Variants in TMEM164 observed in about 807,000 individuals in gnomAD.
TMEM164 encodes the protein RP13-360B22.2.
A neutral mutation model predicts 18.8 loss-of-function variants in TMEM164; 4 were observed. The observed-to-expected ratio is 0.21, with a 90% confidence interval of 0.10 to 0.49. TMEM164 has a LOEUF of 0.49. Among genes scored for constraint, TMEM164 ranks in the 20% least tolerant of loss-of-function variants. The pLI is 0.98. For synonymous variants in TMEM164, 86 were observed against 101.7 expected, an observed-to-expected ratio of 0.85 and a Z score of 0.93; for missense variants, 108 against 239.9, an observed-to-expected ratio of 0.45 and a Z score of 3.63.
chrX:110,126,573 G>C (rs1222425127), intron 4 of TMEM164, among the ~76,000 whole-genome samples: 1 of 111,765 alleles, frequency 8.9e-6, no homozygotes, highest in Non-Finnish European at 1.9e-5. Flanking sequence ...TCCATGCAGA[G>C]GGCTTTAGCG....
At chrX:110,127,955 T>A (rs2066558893) in intron 4 of TMEM164, among the ~76,000 whole-genome samples, 1 of 112,492 alleles carries the variant, frequency 8.9e-6, no homozygotes, top group Middle Eastern at 4.2e-3. Context: ...ATGCACAAGT[T>A]ACCCATTGGT....
intron 2 of TMEM164, among the ~76,000 whole-genome samples, chrX:110,050,563 C>T (rs766674613): frequency 7.1e-4 from 79 of 111,755 alleles, no homozygotes; most frequent in Non-Finnish European, 1.3e-3. Context: ...CAATTTGCAG[C>T]GTCCCCAGCC....
intron 3 of TMEM164, among the ~76,000 whole-genome samples, chrX:110,099,812 A>G (rs916607725): frequency 4.5e-5 from 5 of 112,129 alleles, no homozygotes; most frequent in African/African-American, 1.3e-4. Flanking sequence ...CATCTTTCCT[A>G]TGTTGAGCCT....
At chrX:110,031,079 C>T (rs772225968) in intron 2 of TMEM164, among the ~76,000 whole-genome samples, 5 of 110,474 alleles carry the variant, frequency 4.5e-5, no homozygotes, top group South Asian at 7.8e-4. Context: ...CGACAGGCCC[C>T]GGCATGTGAT....
intron 5 of TMEM164, among the ~76,000 whole-genome samples, chrX:110,146,895 C>G (rs2066863569): frequency 8.9e-6 from 1 of 112,391 alleles, no homozygotes; most frequent in African/African-American, 3.2e-5. Context: ...ACCAAGAAAG[C>G]CGAGAGTCTG....
intron 3 of TMEM164, among the ~76,000 whole-genome samples, chrX:110,106,455 C>T (rs1170604988): frequency 1.9e-5 from 2 of 107,115 alleles, no homozygotes. Context: ...CTCACTGCAA[C>T]CTCTGCCTCC....
chrX:110,055,440 G>A (rs756276903), intron 2 of TMEM164: 1 of 192,197 alleles, frequency 5.2e-6, no homozygotes, highest in Non-Finnish European at 1.1e-5. Flanking sequence ...TGTACTCGGC[G>A]GCCCTGGCAT....
intron 2 of TMEM164, among the ~76,000 whole-genome samples, chrX:110,033,956 C>T (rs1288301007): frequency 1.8e-5 from 2 of 110,586 alleles, no homozygotes; most frequent in African/African-American, 6.6e-5. Flanking sequence ...AATTTGTATT[C>T]CCCCCCGCCC....
At chrX:110,004,951 GAAA>G (rs1932599355) in intron 2 of TMEM164, among the ~76,000 whole-genome samples, 1 of 112,547 alleles carries the variant, frequency 8.9e-6, no homozygotes, top group Non-Finnish European at 1.9e-5. Context: ...AAATGGGATT[GAAA>G]AGGCAAGTTG....
intron 2 of TMEM164, among the ~76,000 whole-genome samples, chrX:110,007,994 A>G (rs972859739): frequency 8.9e-6 from 1 of 112,072 alleles, no homozygotes; most frequent in Non-Finnish European, 1.9e-5. Flanking sequence ...GGTGCTGTTG[A>G]CCCCTTAGTC....
intron 3 of TMEM164, among the ~76,000 whole-genome samples, chrX:110,076,901 C>G (rs185148883): frequency 2.3e-4 from 26 of 111,833 alleles, no homozygotes; most frequent in African/African-American, 8.1e-4. Flanking sequence ...AGAGTATGTT[C>G]CGTGTGCAGA....
downstream of TMEM164, among the ~76,000 whole-genome samples, chrX:110,181,769 A>G (rs779882790): frequency 8.9e-6 from 1 of 112,841 alleles, no homozygotes; most frequent in South Asian, 3.7e-4. Context: ...CAGGACATCT[A>G]TGAGGAATCC....
rs936746694 is a variant in TMEM164, at chrX:110,107,746, G to A, written c.441-1334G>A. 7.1e-5 allele frequency among the ~76,000 whole-genome samples: 7 copies of A among 98,430 alleles called. No homozygotes were observed. The South Asian group carries it at 1.7e-3, about 24-fold the overall frequency. The allele number at this position is 98,430 out of a possible 115,157, so 85.5% of individuals were successfully genotyped here. ...ATGATCTCGGTTCACTGCAACCTCCGCCTCCTGAGTTCAAGCGATTCTTGT... is the reference window on the plus strand; with the variant it reads ...ATGATCTCGGTTCACTGCAACCTCCACCTCCTGAGTTCAAGCGATTCTTGT... On this transcript the variant is annotated intron_variant, in intron 3 of 6. Coordinates refer to ENST00000372068, the MANE Select transcript of TMEM164 (RefSeq NM_032227.4).
chrX:110,180,489 C>T (rs1039814785), downstream of TMEM164, among the ~76,000 whole-genome samples: 1 of 103,506 alleles, frequency 9.7e-6, no homozygotes, highest in Non-Finnish European at 1.9e-5. Flanking sequence ...GCCTGAACCC[C>T]CCCGCCCCGC....
chrX:110,024,443 C>A (rs1934085492), intron 2 of TMEM164, among the ~76,000 whole-genome samples: 1 of 111,263 alleles, frequency 9.0e-6, no homozygotes, highest in African/African-American at 3.3e-5. Flanking sequence ...GCCATCGCAC[C>A]TGGCTGATTT....
chrX:110,061,948 G>C (rs1435408338), intron 2 of TMEM164, among the ~76,000 whole-genome samples: 1 of 111,528 alleles, frequency 9.0e-6, no homozygotes, highest in Non-Finnish European at 1.9e-5. Context: ...TGATGTTAGA[G>C]ATTTAAATTT....
chrX:110,097,800 G>A (rs1370193339), intron 3 of TMEM164, among the ~76,000 whole-genome samples: 2 of 111,819 alleles, frequency 1.8e-5, no homozygotes, highest in Non-Finnish European at 3.8e-5. Context: ...GAAAAAACTA[G>A]GGCAGAAAAA....
chrX:110,104,287 T>G (rs773064054), intron 3 of TMEM164, among the ~76,000 whole-genome samples: 39 of 112,161 alleles, frequency 3.5e-4, no homozygotes, highest in African/African-American at 1.2e-3. Flanking sequence ...AGCTGCCTCT[T>G]GCAGTGAGCT....
chrX:110,165,487 T>A (rs2067147693), intron 5 of TMEM164, among the ~76,000 whole-genome samples: 1 of 112,578 alleles, frequency 8.9e-6, no homozygotes, highest in African/African-American at 3.2e-5. Context: ...ATTGCCTCTT[T>A]AATTTTGTCT....
Sources: gnomAD v4.1 joint callset for allele counts (sites outside exome capture counted in the v4.1 genomes callset) on GRCh38, gnomAD v4.1.1 for gene constraint, MANE v1.5 for transcripts, NCBI Gene and HGNC (gene_info 2026-07-23, HGNC 2026-07-21) for gene names.